Variants in NCOR1 observed in about 807,000 individuals in gnomAD.
The protein encoded by NCOR1 is protein phosphatase 1, regulatory subunit 109.
Under a neutral mutation model 288.1 loss-of-function variants are expected in NCOR1, and 63 were observed. The ratio of observed to expected loss-of-function variants is 0.22; its 90% confidence interval spans 0.18 to 0.27. NCOR1 has a LOEUF of 0.27. NCOR1 is among the 10% of genes least tolerant of loss of function. NCOR1 has a pLI of 1.00. For missense variants in NCOR1, 2,397 were observed against 3,019.2 expected (o/e 0.79, Z 4.83); for synonymous variants, 1,007 against 1,065.9 (o/e 0.94, Z 1.08).
chr17:16,127,305 A>ATATGTGTGTG (rs2074418025), intron 14 of NCOR1, among the ~76,000 whole-genome samples: 2 of 91,764 alleles, frequency 2.2e-5, no homozygotes, highest in African/African-American at 8.2e-5. Context: ...ATGTATGTAT[A>ATATGTGTGTG]TATACATGTA....
chr17:16,115,925 T>A (rs1045865206), intron 18 of NCOR1, among the ~76,000 whole-genome samples: 2 of 152,212 alleles, frequency 1.3e-5, no homozygotes, highest in Non-Finnish European at 2.9e-5. Flanking sequence ...ATTTATTGTA[T>A]TAGTCCGTTT....
chr17:16,038,015 A>G (rs1190793219), intron 44 of NCOR1, among the ~76,000 whole-genome samples: 1 of 152,204 alleles, frequency 6.6e-6, no homozygotes, highest in African/African-American at 2.4e-5. Context: ...CTTAAAGCCA[A>G]TAAAAATTGG....
intron 21 of NCOR1, among the ~76,000 whole-genome samples, chr17:16,095,179 C>T (rs1272842982): frequency 6.6e-6 from 1 of 151,744 alleles, no homozygotes; most frequent in Non-Finnish European, 1.5e-5. Flanking sequence ...TGCCCGGCCG[C>T]CCATCGTCTG....
rs778506665 is a variant in NCOR1, at chr17:16,119,419, T to G, written c.1915+4A>C. On this transcript the variant is annotated splice_donor_region_variant and intron_variant, in intron 17 of 45. Coordinates refer to ENST00000268712, the MANE Select transcript of NCOR1 (RefSeq NM_006311.4). ...CCTGAGAAACCAGAACTACTACAAT[T>G]TACCTTTTTTAGCAACTTCCATTTC... 5 of 1,604,970 alleles carry G rather than the reference T, an allele frequency of 3.1e-6. No homozygotes were observed. In the South Asian group the frequency reaches 5.5e-5, roughly 18 times the overall value.
chr17:16,051,530 A>G (rs2059310409), intron 40 of NCOR1, among the ~76,000 whole-genome samples: 1 of 152,238 alleles, frequency 6.6e-6, no homozygotes, highest in Admixed American at 6.5e-5. Flanking sequence ...CTAAATATCC[A>G]CATCAAAAAG....
intron 8 of NCOR1, 97 bp from the exon 9 acceptor site, chr17:16,149,614 T>A (rs1011201975): frequency 2.0e-5 from 10 of 494,690 alleles, no homozygotes; most frequent in Admixed American, 1.1e-4. Context: ...TAGGCAAAGA[T>A]CACTTAAGAA....
At chr17:16,105,367 C>T (rs531758300) in intron 19 of NCOR1, among the ~76,000 whole-genome samples, 19 of 151,960 alleles carry the variant, frequency 1.3e-4, no homozygotes, top group African/African-American at 3.6e-4. Flanking sequence ...CAGTGAGCCA[C>T]GATCGAGCCA....
rs914722330 is a variant in NCOR1 at position 16,116,702 on chromosome 17, A to G, written c.2055+1186T>C. On this transcript the variant is annotated intron_variant, in intron 18 of 45. Transcript: ENST00000268712. ...AGTGCTTTTCCCTGAGAGAACCATC[A>G]TATTTTGGTATAGAGCAGAACTTTA... 3.3e-5 allele frequency among the ~76,000 whole-genome samples: 4 copies of G among 121,822 alleles called. No homozygotes were observed. In the Admixed American group the frequency reaches 3.3e-4, roughly 10 times the overall value. 79.9% of individuals were successfully genotyped at this position (121,822 alleles called of 152,430 possible).
rs2153151810 is a variant in NCOR1, at chr17:16,121,135, G to A, written c.1769C>T (p.Thr590Ile). Residue 590 changes from threonine to isoleucine, a missense_variant, in exon 16 of 46, where the codon ACA becomes ATA. By Grantham distance (89) the Thr-to-Ile change is moderately conservative (BLOSUM62 -1). Transcript: ENST00000268712. ...AGCACTGGCAGCTGCAGCTTCGTTT[G>A]TCATGGACCTGGTGATCCGGCCCTT... ...RRKGRITRSM[T>I]NEAAAASAAA... The A allele has an allele frequency of 6.2e-7, 1 of 1,614,188 alleles. No homozygotes were observed. The highest frequency in any genetic ancestry group is 8.5e-7 in the Non-Finnish European group (1 of 1,180,030).
At chr17:16,154,544 C>T (rs531092689) in intron 6 of NCOR1, among the ~76,000 whole-genome samples, 1 of 152,220 alleles carries the variant, frequency 6.6e-6, no homozygotes, top group African/African-American at 2.4e-5. Flanking sequence ...CACGGGGCCA[C>T]CTGACAGCAG....
At chr17:16,206,769 C>G (rs2091559760) in intron 1 of NCOR1, among the ~76,000 whole-genome samples, 1 of 152,008 alleles carries the variant, frequency 6.6e-6, no homozygotes, top group Non-Finnish European at 1.5e-5. Flanking sequence ...AATAGACAAA[C>G]TTGGAACAGT....
chr17:16,198,455 G>C (rs1328690701), intron 1 of NCOR1: 1 of 151,952 alleles, frequency 6.6e-6, no homozygotes, highest in African/African-American at 2.4e-5. Flanking sequence ...GCCGGGTGCG[G>C]TGGCTCACAC....
intron 1 of NCOR1, among the ~76,000 whole-genome samples, chr17:16,212,436 C>A (rs775393078): frequency 1.3e-5 from 2 of 152,082 alleles, no homozygotes; most frequent in African/African-American, 2.4e-5. Context: ...ATATATGAAT[C>A]TCTAATCTAC....
chr17:16,126,503 T>C (rs1264917994), intron 14 of NCOR1, among the ~76,000 whole-genome samples: 1 of 152,106 alleles, frequency 6.6e-6, no homozygotes, highest in Non-Finnish European at 1.5e-5. Context: ...AACCTCCACA[T>C]TTAATCTGTC....
intron 42 of NCOR1, among the ~76,000 whole-genome samples, chr17:16,046,414 ATAGATCATAT>A (rs2058662217): frequency 6.6e-6 from 1 of 152,244 alleles, no homozygotes; most frequent in South Asian, 2.1e-4. Context: ...TGAATTTAGC[ATAGATCATAT>A]TATACTACTC....
At chr17:16,125,979 A>G (rs2073972249) in intron 15 of NCOR1, 103 bp downstream of exon 15, 1 of 624,128 alleles carries the variant, frequency 1.6e-6, no homozygotes, top group Non-Finnish European at 2.5e-6. Context: ...CTTCACTACT[A>G]TGCAATATAT....
chr17:16,175,603 C>T (rs995608236), intron 3 of NCOR1, among the ~76,000 whole-genome samples: 1 of 151,900 alleles, frequency 6.6e-6, no homozygotes, highest in Non-Finnish European at 1.5e-5. Context: ...TTTCCTGTGC[C>T]CTGGTTGCCG....
At chr17:16,143,527 C>CA in intron 11 of NCOR1, 79 bp downstream of exon 11, 4 of 1,116,132 alleles carry the variant, frequency 3.6e-6, no homozygotes, top group Non-Finnish European at 5.3e-6. Context: ...CATTTACATA[C>CA]AAAAAAACCC....
intron 40 of NCOR1, among the ~76,000 whole-genome samples, chr17:16,055,407 A>G (rs1246414564): frequency 1.3e-5 from 2 of 152,224 alleles, no homozygotes; most frequent in African/African-American, 4.8e-5. Context: ...CATTATCCTT[A>G]GCAAACTAAC....
Sources: gnomAD v4.1 joint callset for allele counts (sites outside exome capture counted in the v4.1 genomes callset) on GRCh38, gnomAD v4.1.1 for gene constraint, MANE v1.5 for transcripts, NCBI Gene and HGNC (gene_info 2026-07-23, HGNC 2026-07-21) for gene names.